Variants in DTNA observed in about 807,000 individuals in gnomAD.
DTNA encodes the protein dystrobrevin alpha.
DTNA carries 43 observed loss-of-function variants against 100.7 expected under a neutral mutation model. That is an observed-to-expected ratio of 0.43 (90% confidence interval 0.33 to 0.55). The LOEUF (loss-of-function observed/expected upper bound fraction) is 0.55. Among genes scored for constraint, DTNA ranks in the 20% least tolerant of loss-of-function variants. DTNA has a pLI of 0.04. For missense variants in DTNA, 798 were observed against 953.9 expected (o/e 0.84, Z 2.15); for synonymous variants, 349 against 347.9 (o/e 1.00, Z -0.04).
intron 1 of DTNA, among the ~76,000 whole-genome samples, chr18:34,553,519 C>T (rs1177114258): frequency 2.0e-5 from 3 of 152,126 alleles, no homozygotes; most frequent in South Asian, 2.1e-4. Flanking sequence ...TTAGGTCTAA[C>T]GATTAAGTCT....
chr18:34,627,844 A>G (rs1452617808), intron 1 of DTNA, among the ~76,000 whole-genome samples: 5 of 152,126 alleles, frequency 3.3e-5, no homozygotes, highest in Admixed American at 3.3e-4. Context: ...TCTTCATTCA[A>G]TTTTTGACTT....
At chr18:34,663,541 C>T (rs1037854334) in intron 1 of DTNA, among the ~76,000 whole-genome samples, 1 of 152,150 alleles carries the variant, frequency 6.6e-6, no homozygotes, top group Non-Finnish European at 1.5e-5. Flanking sequence ...CGGTAGTTGT[C>T]TCCAAGTATT....
At chr18:34,723,697 G>A (rs761861947) in intron 1 of DTNA, among the ~76,000 whole-genome samples, 3 of 152,062 alleles carry the variant, frequency 2.0e-5, no homozygotes, top group Non-Finnish European at 2.9e-5. Flanking sequence ...TCAGGAGTTC[G>A]AGACCAGCCT....
At chr18:34,788,086 T>C (rs942237162) in intron 3 of DTNA, among the ~76,000 whole-genome samples, 1 of 152,212 alleles carries the variant, frequency 6.6e-6, no homozygotes, top group African/African-American at 2.4e-5. Flanking sequence ...AGGTGCTCTA[T>C]TAATGGACGA....
chr18:34,502,487 G>A (rs2040034326), intron 1 of DTNA, among the ~76,000 whole-genome samples: 1 of 152,094 alleles, frequency 6.6e-6, no homozygotes, highest in South Asian at 2.1e-4. Flanking sequence ...TCTAATGTAT[G>A]CATTTAGTGC....
At chr18:34,581,689 C>T (rs572156441) in intron 1 of DTNA, among the ~76,000 whole-genome samples, 74 of 146,358 alleles carry the variant, frequency 5.1e-4, no homozygotes, top group African/African-American at 1.7e-3. Flanking sequence ...GGCATGATCT[C>T]GGCTCACTGC....
chr18:34,574,230 A>G (rs2047889321), intron 1 of DTNA: 1 of 152,950 alleles, frequency 6.5e-6, no homozygotes, highest in African/African-American at 2.4e-5. Flanking sequence ...TCAGCAGGGA[A>G]GGGAACTTGC....
chr18:34,641,338 C>T (rs527949166), intron 1 of DTNA, among the ~76,000 whole-genome samples: 1 of 152,256 alleles, frequency 6.6e-6, no homozygotes, highest in Non-Finnish European at 1.5e-5. Context: ...TAGTTTAATA[C>T]TGGAAATTTC....
intron 9 of DTNA, chr18:34,822,384 GAGTAATTT>G: frequency 6.6e-6 from 1 of 152,374 alleles, no homozygotes; most frequent in Non-Finnish European, 1.5e-5. Flanking sequence ...GCTCTGCCGA[GAGTAATTT>G]CCTACCAGCC....
chr18:34,586,991 T>C (rs981763140), intron 1 of DTNA, among the ~76,000 whole-genome samples: 5 of 151,824 alleles, frequency 3.3e-5, no homozygotes, highest in African/African-American at 1.2e-4. Context: ...AGACAAGGTC[T>C]TTCTCTGTCA....
At chr18:34,885,887 G>T (rs1460360201) in intron 22 of DTNA, among the ~76,000 whole-genome samples, 4 of 152,198 alleles carry the variant, frequency 2.6e-5, no homozygotes, top group African/African-American at 9.7e-5. Context: ...ACAAGGCTAG[G>T]ATGCAGCTAC....
intron 1 of DTNA, among the ~76,000 whole-genome samples, chr18:34,520,282 AAAT>A (rs1275244574): frequency 1.3e-5 from 2 of 152,212 alleles, no homozygotes; most frequent in African/African-American, 4.8e-5. Flanking sequence ...GAACACTTTT[AAAT>A]AATAGATTCT....
chr18:34,650,983 T>A (rs1285371991), intron 1 of DTNA, among the ~76,000 whole-genome samples: 2 of 152,188 alleles, frequency 1.3e-5, no homozygotes, highest in African/African-American at 4.8e-5. Context: ...ATCTTACACT[T>A]ACCTCTTGAA....
At chr18:34,717,737 G>T (rs2084343145) in intron 1 of DTNA, among the ~76,000 whole-genome samples, 1 of 152,162 alleles carries the variant, frequency 6.6e-6, no homozygotes, top group African/African-American at 2.4e-5. Context: ...GCTGTGTGGA[G>T]AAGGAAGCAC....
At chr18:34,864,745 A>G (rs1461964259) in intron 17 of DTNA, among the ~76,000 whole-genome samples, 1 of 152,216 alleles carries the variant, frequency 6.6e-6, no homozygotes. Context: ...TCAGTAAAAT[A>G]TTTTATTCCA....
At chr18:34,508,484 A>G (rs539339115) in intron 1 of DTNA, among the ~76,000 whole-genome samples, 4 of 152,306 alleles carry the variant, frequency 2.6e-5, no homozygotes, top group South Asian at 4.1e-4. Context: ...GCATTTCTAT[A>G]TAGATATTTT....
At chr18:34,585,947 G>C (rs1294161706) in intron 1 of DTNA, among the ~76,000 whole-genome samples, 1 of 152,156 alleles carries the variant, frequency 6.6e-6, no homozygotes, top group African/African-American at 2.4e-5. Context: ...ATGAATACTA[G>C]AGCTTTGTGG....
chr18:34,576,620 G>A lies in DTNA; in HGVS notation c.-2+83106G>A, dbSNP rs943849249. On this transcript the variant is annotated intron_variant, in intron 1 of 19. Transcript: ENST00000283365. ...ATTACAGGCACATGCCGCCATGCCCGGCTAATTTTTATATTTGTAGTAAAG... is the reference window on the plus strand; with the variant it reads ...ATTACAGGCACATGCCGCCATGCCCAGCTAATTTTTATATTTGTAGTAAAG... Among the ~76,000 whole-genome samples the A allele has an allele frequency of 4.6e-5, 7 of 152,020 alleles. No homozygotes were observed. In the South Asian group the frequency reaches 6.2e-4, roughly 14 times the overall value.
intron 1 of DTNA, among the ~76,000 whole-genome samples, chr18:34,520,662 A>AAT (rs1568580638): frequency 6.6e-6 from 1 of 151,812 alleles, no homozygotes; most frequent in Admixed American, 6.6e-5. Flanking sequence ...TCTCAAAAAA[A>AAT]AATAATAATA....
Sources: allele counts gnomAD v4.1 joint callset (sites outside exome capture counted in the v4.1 genomes callset), GRCh38; gene constraint gnomAD v4.1.1; transcripts MANE v1.5; gene names NCBI Gene and HGNC (gene_info 2026-07-23, HGNC 2026-07-21).